The following PTPRK variants were observed in gnomAD, a reference collection of about 807,000 sequenced individuals.
PTPRK encodes receptor-type tyrosine-protein phosphatase kappa.
PTPRK carries 75 observed loss-of-function variants against 178.0 expected under a neutral mutation model. That is an observed-to-expected ratio of 0.42 (90% CI 0.35 to 0.51). The LOEUF (loss-of-function observed/expected upper bound fraction) is 0.51. Ranked by LOEUF, PTPRK falls within the 20% of genes least tolerant of loss-of-function variation. The pLI, the probability that PTPRK is intolerant of heterozygous loss-of-function variation, is 0.02. For missense variants in PTPRK, 1,441 were observed against 1,797.8 expected (o/e 0.80, Z 3.59); for synonymous variants, 637 against 620.6 (o/e 1.03, Z -0.39).
At chr6:128,101,640 A>G (rs1397731601) in intron 7 of PTPRK, among the ~76,000 whole-genome samples, 1 of 152,130 alleles carries the variant, frequency 6.6e-6, no homozygotes, top group African/African-American at 2.4e-5. Flanking sequence ...TCACATCCAA[A>G]TAATTGTTAG....
At chr6:128,031,919 G>GA (rs1775407696) in intron 13 of PTPRK, among the ~76,000 whole-genome samples, 2 of 152,080 alleles carry the variant, frequency 1.3e-5, no homozygotes, top group Non-Finnish European at 2.9e-5. Flanking sequence ...TGTCTTTCCT[G>GA]CACCCTCACC....
chr6:128,125,551 T>G (rs987609973), intron 7 of PTPRK, among the ~76,000 whole-genome samples: 5 of 151,858 alleles, frequency 3.3e-5, no homozygotes, highest in African/African-American at 1.2e-4. Flanking sequence ...GTCTTGAGTG[T>G]TTCTTTATAG....
At chr6:128,182,766 C>T (rs963183161) in intron 7 of PTPRK, among the ~76,000 whole-genome samples, 1 of 152,112 alleles carries the variant, frequency 6.6e-6, no homozygotes, top group African/African-American at 2.4e-5. Flanking sequence ...TAACTGGCTT[C>T]AAAACACAAT....
chr6:128,404,566 T>A (rs963594254), intron 1 of PTPRK, among the ~76,000 whole-genome samples: 13 of 152,198 alleles, frequency 8.5e-5, no homozygotes, highest in African/African-American at 3.1e-4. Context: ...GATCCCGAAG[T>A]GTGATCAATC....
chr6:128,065,548 G>C (rs1781600971), intron 12 of PTPRK, among the ~76,000 whole-genome samples: 1 of 152,206 alleles, frequency 6.6e-6, no homozygotes, highest in African/African-American at 2.4e-5. Flanking sequence ...CAAGAGGTGA[G>C]AAAAGGTATC....
At chr6:127,987,771 T>C (rs1776149594) in intron 21 of PTPRK, among the ~76,000 whole-genome samples, 1 of 152,228 alleles carries the variant, frequency 6.6e-6, no homozygotes, top group Non-Finnish European at 1.5e-5. Flanking sequence ...ACATTCATGA[T>C]TGTAGAAGCA....
intron 3 of PTPRK, among the ~76,000 whole-genome samples, chr6:128,288,531 G>T (rs370525816): frequency 6.6e-5 from 10 of 152,054 alleles, no homozygotes; most frequent in African/African-American, 2.2e-4. Context: ...GAAGAGTGTG[G>T]AATACATGAA....
At chr6:128,478,402 G>A (rs1851641974) in intron 1 of PTPRK, among the ~76,000 whole-genome samples, 1 of 152,066 alleles carries the variant, frequency 6.6e-6, no homozygotes, top group African/African-American at 2.4e-5. Context: ...TTTATTTGAT[G>A]TGCTAGTTCC....
At chr6:128,378,020 A>G (rs914275737) in intron 2 of PTPRK, among the ~76,000 whole-genome samples, 3 of 152,144 alleles carry the variant, frequency 2.0e-5, no homozygotes, top group African/African-American at 7.2e-5. Flanking sequence ...ATCTGTGATC[A>G]TGGTTTGCTT....
chr6:128,091,558 T>C (rs945050367), intron 7 of PTPRK, among the ~76,000 whole-genome samples: 1 of 152,176 alleles, frequency 6.6e-6, no homozygotes, highest in Non-Finnish European at 1.5e-5. Context: ...CATGGCAAGA[T>C]TCAGCCATAT....
chr6:128,146,342 G>A (rs1796478881), intron 7 of PTPRK, among the ~76,000 whole-genome samples: 1 of 151,816 alleles, frequency 6.6e-6, no homozygotes, highest in Non-Finnish European at 1.5e-5. Context: ...AAACTCCAAT[G>A]TACTTCTTTA....
chr6:128,325,188 C>G (rs910806135), intron 2 of PTPRK, among the ~76,000 whole-genome samples: 2 of 152,112 alleles, frequency 1.3e-5, no homozygotes, highest in Non-Finnish European at 2.9e-5. Flanking sequence ...TCATTCAACA[C>G]AGAGAAAACT....
intron 1 of PTPRK, among the ~76,000 whole-genome samples, chr6:128,504,560 C>T (rs1856051006): frequency 1.3e-5 from 2 of 152,292 alleles, no homozygotes; most frequent in South Asian, 4.1e-4. Context: ...GAGCAATTAG[C>T]AGGCTTCAAC....
In PTPRK at chr6:127,990,865, C is replaced by T; in HGVS notation, c.3000G>A (p.Trp1000Ter). Residue 1000 changes from tryptophan to a stop codon, truncating the protein, a stop_gained, in exon 21 of 30, where the codon TGG (tryptophan) becomes TGA (stop). Transcript: ENST00000368226. LOFTEE classifies it high-confidence loss of function. ...CACCATAAACTTCAGTATCATCAGGCCAATATTTATAGCATTTAACCTAAG... is the reference window on the plus strand; with the variant it reads ...CACCATAAACTTCAGTATCATCAGGTCAATATTTATAGCATTTAACCTAAG... ...EVGRVKCYKYWPDDTEVYGDF... is the reference protein window; with the variant it reads ...EVGRVKCYKY 6.2e-7 allele frequency: 1 copy of T among 1,607,078 alleles called. No individual in the cohort carries two copies. The highest frequency in any genetic ancestry group is 8.5e-7 in the Non-Finnish European group (1 of 1,174,138).
At chr6:128,359,205 C>T (rs559209924) in intron 2 of PTPRK, among the ~76,000 whole-genome samples, 1 of 148,908 alleles carries the variant, frequency 6.7e-6, no homozygotes, top group African/African-American at 2.4e-5. Context: ...AATCCCAGCA[C>T]TTTGGGATGC....
chr6:128,272,277 C>T (rs1819952634), intron 3 of PTPRK, among the ~76,000 whole-genome samples: 1 of 152,112 alleles, frequency 6.6e-6, no homozygotes, highest in African/African-American at 2.4e-5. Context: ...CTAGGCAATA[C>T]CATTCAGGAC....
At chr6:128,278,744 C>A (rs1205680270) in intron 3 of PTPRK, among the ~76,000 whole-genome samples, 3 of 152,108 alleles carry the variant, frequency 2.0e-5, no homozygotes, top group Admixed American at 2.0e-4. Context: ...CTCAAACACA[C>A]AAGACTATAA....
chr6:128,191,229 T>C (rs577938270), intron 6 of PTPRK, among the ~76,000 whole-genome samples: 1 of 152,348 alleles, frequency 6.6e-6, no homozygotes, highest in South Asian at 2.1e-4. Flanking sequence ...GTTAATTATA[T>C]TCAGCTAAAC....
chr6:128,204,656 G>GAAA (rs201737649), intron 6 of PTPRK, among the ~76,000 whole-genome samples: 1 of 138,658 alleles, frequency 7.2e-6, no homozygotes. Flanking sequence ...CAACAAACAT[G>GAAA]AAAAAAAAAA....
Sources: allele counts gnomAD v4.1 joint callset (sites outside exome capture counted in the v4.1 genomes callset), GRCh38; gene constraint gnomAD v4.1.1; transcripts MANE v1.5; gene names NCBI Gene and HGNC (gene_info 2026-07-23, HGNC 2026-07-21).